Variants in MMAA observed in about 807,000 individuals in gnomAD.
The protein encoded by MMAA is metabolism of cobalamin associated A, also known as methylmalonic aciduria type A protein, mitochondrial.
MMAA carries 41 observed loss-of-function variants against 45.0 expected under a neutral mutation model. The observed-to-expected ratio is 0.91, with a 90% CI of 0.71 to 1.18. The LOEUF (loss-of-function observed/expected upper bound fraction) is 1.18. Ranked by LOEUF, MMAA falls within the 50% of genes most tolerant of loss-of-function variation. The pLI is 0.00. For missense variants in MMAA, 460 were observed against 495.7 expected, an observed-to-expected ratio of 0.93 and a Z score of 0.68; for synonymous variants, 154 against 178.2, an observed-to-expected ratio of 0.86 and a Z score of 1.08.
At chr4:145,655,125 C>A in intron 6 of MMAA, 22 bp from the exon 7 acceptor site, 2 of 1,613,550 alleles carry the variant, frequency 1.2e-6, no homozygotes, top group South Asian at 2.2e-5. Flanking sequence ...GTAAAATGGT[C>A]TGGTTCTTCC....
intron 1 of MMAA, among the ~76,000 whole-genome samples, chr4:145,631,501 TTTTTCCATGCCTTTA>T: frequency 6.6e-6 from 1 of 152,340 alleles, no homozygotes; most frequent in East Asian, 1.9e-4. Flanking sequence ...ATGGAATAAC[TTTTTCCATGCCTTTA>T]TTTTCAGTCT....
chr4:145,646,205 A>C (rs201970426), intron 4 of MMAA, 49 bp downstream of exon 4: 5 of 1,605,774 alleles, frequency 3.1e-6, no homozygotes, highest in Non-Finnish European at 3.4e-6. Context: ...TATGAATGCT[A>C]TATAAAGATG....
chr4:145,639,771 A>T (rs910289111), intron 2 of MMAA, 193 bp downstream of exon 2: 37 of 984,120 alleles, frequency 3.8e-5, no homozygotes, highest in African/African-American at 3.3e-4. Context: ...ATTTGAACCA[A>T]GGCTATGTAT....
Position 145,639,841 on chromosome 4 carries a change from A to G in MMAA, c.439+263A>G, listed in dbSNP as rs1049376780. 56 of 982,970 alleles carry G rather than the reference A, an allele frequency of 5.7e-5. No homozygotes were observed. The African/African-American group carries it at 9.1e-4, about 16-fold the overall frequency. The allele number at this position is 982,970 out of a possible 1,614,324, so 60.9% of individuals were successfully genotyped here. ...AGAATCTTGCTCTGGATCCCAGGAC[A>G]GAAATATTCATAGGAAGAACTACTA... On this transcript the variant is annotated intron_variant, in intron 2 of 6. Transcript: ENST00000649156.
intron 4 of MMAA, 143 bp downstream of exon 4, chr4:145,646,299 A>G (rs923070882): frequency 2.2e-6 from 2 of 912,596 alleles, no homozygotes; most frequent in Non-Finnish European, 1.7e-6. Flanking sequence ...CCTAGAAGAT[A>G]TGAATGTATA....
intron 1 of MMAA, among the ~76,000 whole-genome samples, chr4:145,627,714 T>C (rs542381682): frequency 6.6e-6 from 1 of 152,294 alleles, no homozygotes; most frequent in South Asian, 2.1e-4. Context: ...GGAGGTGCTA[T>C]TTGAACTGAG....
At chr4:145,646,182 C>T (rs1232461892) in intron 4 of MMAA, 26 bp downstream of exon 4, 14 of 1,611,652 alleles carry the variant, frequency 8.7e-6, no homozygotes, top group Non-Finnish European at 1.2e-5. Context: ...TATTTCATAA[C>T]AATGTACTAT....
intron 3 of MMAA, among the ~76,000 whole-genome samples, chr4:145,645,650 T>G (rs1285070780): frequency 6.6e-6 from 1 of 151,998 alleles, no homozygotes; most frequent in Non-Finnish European, 1.5e-5. Context: ...GCAAACACAG[T>G]GATGTTAAGA....
chr4:145,652,037 C>G (rs1728107337), intron 5 of MMAA, among the ~76,000 whole-genome samples: 1 of 152,076 alleles, frequency 6.6e-6, no homozygotes, highest in Non-Finnish European at 1.5e-5. Context: ...GTTGGGGACC[C>G]TTGCACTAGA....
At chr4:145,627,197 T>C (rs1453873270) in intron 1 of MMAA, among the ~76,000 whole-genome samples, 1 of 152,212 alleles carries the variant, frequency 6.6e-6, no homozygotes, top group East Asian at 1.9e-4. Flanking sequence ...ATTTAGAGAA[T>C]ATTTGCTTAC....
chr4:145,622,714 A>G (rs1233379631), intron 1 of MMAA, among the ~76,000 whole-genome samples: 2 of 152,250 alleles, frequency 1.3e-5, no homozygotes, highest in South Asian at 2.1e-4. Context: ...AATGTAAAAT[A>G]CAGTGTGTTT....
At chr4:145,622,221 T>C (rs1734102101) in intron 1 of MMAA, among the ~76,000 whole-genome samples, 1 of 151,824 alleles carries the variant, frequency 6.6e-6, no homozygotes, top group Non-Finnish European at 1.5e-5. Context: ...ATGAGTCTCA[T>C]GGGATCTGAT....
At chr4:145,630,321 G>A (rs1734309212) in intron 1 of MMAA, among the ~76,000 whole-genome samples, 1 of 152,160 alleles carries the variant, frequency 6.6e-6, no homozygotes, top group South Asian at 2.1e-4. Context: ...AGGAGACTTT[G>A]GATTTCTGCA....
chr4:145,626,079 G>A, intron 1 of MMAA: 1 of 828,172 alleles, frequency 1.2e-6, no homozygotes, highest in East Asian at 2.5e-5. Context: ...GGGGCAGTCG[G>A]AGGGGACCTT....
rs1036460255 is a variant in MMAA, at chr4:145,646,099, G to A, written c.676G>A (p.Glu226Lys). ...TLGGVTRTTN[E>K]AILLCEGAGY... ...AGGAGGCGTGACAAGGACCACAAAT[G>A]AAGCTATTCTGTTGTGTGAAGGAGC... Residue 226 changes from glutamate (E) to lysine (K), a missense_variant, in exon 4 of 7, where the codon GAA becomes AAA. Physicochemically the swap from Glu to Lys is moderately conservative, Grantham distance 56. Coordinates refer to ENST00000649156, the MANE Select transcript of MMAA (RefSeq NM_172250.3). 12 of 1,614,018 alleles carry A rather than the reference G, an allele frequency of 7.4e-6. No homozygotes were observed. Among genetic ancestry groups the A allele is most frequent in the Admixed American group, 1.7e-5 (1 of 60,010 alleles).
chr4:145,626,069 G>C, intron 1 of MMAA: 1 of 935,872 alleles, frequency 1.1e-6, no homozygotes. Context: ...GTGCCTCTCT[G>C]GGGCAGTCGG....
chr4:145,635,178 A>C (rs777836393), intron 1 of MMAA, among the ~76,000 whole-genome samples: 8 of 152,098 alleles, frequency 5.3e-5, no homozygotes, highest in Non-Finnish European at 8.8e-5. Context: ...ACTGCCATTA[A>C]AGTTTAATTG....
chr4:145,630,266 G>A (rs546000228), intron 1 of MMAA, among the ~76,000 whole-genome samples: 2 of 152,238 alleles, frequency 1.3e-5, no homozygotes, highest in African/African-American at 4.8e-5. Flanking sequence ...ATTTCTTCTA[G>A]ATGTTTTCAA....
In MMAA at chr4:145,655,727, A is replaced by C. The variant is rs1728212036; in HGVS notation, c.*293A>C. ...TAGTCAAGAACAGAGAAAGCTGAGG[A>C]GAGCAGAAAATATCTTGCACTTTAA... On this transcript the variant is annotated 3_prime_UTR_variant, in exon 7 of 7. Transcript: ENST00000649156. 8.2e-6 allele frequency: 2 copies of C among 243,244 alleles called. No homozygotes were observed. Among genetic ancestry groups the C allele is most frequent in the Non-Finnish European group, 1.6e-5 (2 of 127,094 alleles). The allele number at this position is 243,244 out of a possible 1,614,324, so 15.1% of individuals were successfully genotyped here.
Sources: allele counts gnomAD v4.1 joint callset (sites outside exome capture counted in the v4.1 genomes callset), GRCh38; gene constraint gnomAD v4.1.1; transcripts MANE v1.5; gene names NCBI Gene and HGNC (gene_info 2026-07-23, HGNC 2026-07-21).